PATZ1: variants seen among roughly 807,000 people sequenced by gnomAD.
PATZ1 encodes the protein POZ-, AT hook-, and zinc finger-containing protein 1.
In PATZ1, 9 loss-of-function variants were observed where a neutral mutation model predicts 46.2. That is an observed-to-expected ratio of 0.19 (90% CI 0.12 to 0.34). The LOEUF (loss-of-function observed/expected upper bound fraction) is 0.34, where lower values mean the gene tolerates loss of function less well. Among genes scored for constraint, PATZ1 ranks in the 10% least tolerant of loss-of-function variants. The probability of loss-of-function intolerance (pLI) is 1.00; values close to 1 mark genes in which losing one functional copy is unlikely to be tolerated. For missense variants in PATZ1, 632 were observed against 923.0 expected (o/e 0.68, Z 4.08); for synonymous variants, 426 against 378.6 (o/e 1.13, Z -1.45).
At chr22:31,330,486 G>A (rs781205279) in intron 3 of PATZ1, among the ~76,000 whole-genome samples, 2 of 151,504 alleles carry the variant, frequency 1.3e-5, no homozygotes, top group South Asian at 2.1e-4. Context: ...GCAACAGAGC[G>A]AGACTCCGTC....
chr22:31,341,691 A>G, intron 2 of PATZ1: 1 of 1,602,200 alleles, frequency 6.2e-7, no homozygotes, highest in Non-Finnish European at 8.5e-7. Flanking sequence ...CACCTGGAAA[A>G]AGGGCAGAGA....
rs1439947636 is a variant in PATZ1, at chr22:31,328,086, G to C, written c.1645+701C>G. ...TCCAGAGAGCCATGCCGGGAAGGGA[G>C]GTCTGTGATGGGAGCATGGAGCATG... On this transcript the variant is annotated intron_variant, in intron 4 of 4. Coordinates refer to ENST00000266269, the MANE Select transcript of PATZ1 (RefSeq NM_014323.3). The surrounding 1 kb of genome is among the most constrained non-coding windows in gnomAD (Gnocchi z 4.8). 6.6e-6 allele frequency among the ~76,000 whole-genome samples: 1 copy of C among 152,184 alleles called. No homozygotes were observed. The highest frequency in any genetic ancestry group is 1.5e-5 in the Non-Finnish European group (1 of 68,036).
At chr22:31,330,064 CTAAAGGG>C (rs1240104089) in intron 3 of PATZ1, among the ~76,000 whole-genome samples, 1 of 152,154 alleles carries the variant, frequency 6.6e-6, no homozygotes, top group African/African-American at 2.4e-5. Flanking sequence ...AGATCCACTG[CTAAAGGG>C]TAAAGGGTCA....
chr22:31,340,411 C>T (rs2049565853), intron 2 of PATZ1, among the ~76,000 whole-genome samples: 1 of 152,224 alleles, frequency 6.6e-6, no homozygotes, highest in Non-Finnish European at 1.5e-5. Flanking sequence ...CTTATGTTTT[C>T]AGCATCCCCA....
intron 3 of PATZ1, among the ~76,000 whole-genome samples, chr22:31,331,932 G>A (rs1042576855): frequency 2.0e-5 from 3 of 152,104 alleles, no homozygotes; most frequent in Non-Finnish European, 4.4e-5. Context: ...CCAACATGGA[G>A]AAACCCTGTC....
intron 3 of PATZ1, among the ~76,000 whole-genome samples, chr22:31,331,506 AT>A (rs1474424572): frequency 1.3e-5 from 2 of 151,484 alleles, no homozygotes. Context: ...TACCTGGCTA[AT>A]TTTTTTTGTA....
intron 3 of PATZ1, among the ~76,000 whole-genome samples, chr22:31,330,493 C>T (rs956962009): frequency 1.5e-4 from 23 of 150,656 alleles, no homozygotes; most frequent in Non-Finnish European, 3.0e-5. Flanking sequence ...AGCGAGACTC[C>T]GTCTCAAAAA....
At chr22:31,342,775 A>AG in intron 2 of PATZ1, 122 bp downstream of exon 2, 1 of 921,422 alleles carries the variant, frequency 1.1e-6, no homozygotes, top group Non-Finnish European at 1.7e-6. Context: ...AACAGAGGGG[A>AG]GGTGTGCAAA....
At chr22:31,336,046 T>C (rs2049504953) in intron 2 of PATZ1, among the ~76,000 whole-genome samples, 183 bp from the exon 3 acceptor site, 1 of 152,186 alleles carries the variant, frequency 6.6e-6, no homozygotes, top group Non-Finnish European at 1.5e-5. Context: ...TTATTTCCCA[T>C]GGTACCTCCT....
In PATZ1 at chr22:31,344,526, G is replaced by T. The variant is rs772555772; in HGVS notation, c.1077C>A (p.Ile359=). ...SRTRKQVACE[I]CGKIFRDVYH... ...ACACATCACGGAAGATCTTGCCGCA[G>T]ATCTCACAAGCCACCTGCTTCCTGG... The change falls in exon 1 of 5, where the codon ATC becomes ATA. Residue 359 remains isoleucine (I), a synonymous_variant. Transcript: ENST00000266269. 1.9e-6 allele frequency: 3 copies of T among 1,614,236 alleles called. No individual in the cohort carries two copies. Among genetic ancestry groups the T allele is most frequent in the South Asian group, 2.2e-5 (2 of 91,086 alleles).
Position 31,327,999 on chromosome 22 carries a change from G to A in PATZ1, c.1646-690C>T, listed in dbSNP as rs1028290696. Among the ~76,000 whole-genome samples, 1 of 152,312 alleles carries A rather than the reference G, an allele frequency of 6.6e-6. No homozygotes were observed. Among genetic ancestry groups the A allele is most frequent in the Non-Finnish European group, 1.5e-5 (1 of 68,026 alleles). On this transcript the variant is annotated intron_variant, in intron 4 of 4. Transcript: ENST00000266269. The surrounding 1 kb of genome is among the most constrained non-coding windows in gnomAD (Gnocchi z 4.2). Reference sequence around the variant, plus strand: ...CAAGCTGGGCCAAGAGACAACCCTGGCTGCTCTGCCTTGCCCGGCCCACAC... The same window carrying A: ...CAAGCTGGGCCAAGAGACAACCCTGACTGCTCTGCCTTGCCCGGCCCACAC...
rs1569023404 is a variant in PATZ1, at chr22:31,328,863, G to A, written c.1569C>T (p.Pro523=). The A allele has an allele frequency of 6.2e-7, 1 of 1,614,012 alleles. No homozygotes were observed. The highest frequency in any genetic ancestry group is 8.5e-7 in the Non-Finnish European group (1 of 1,179,876). The change falls in exon 4 of 5, where the codon CCC becomes CCT. Residue 523 remains proline, a synonymous_variant. Coordinates refer to ENST00000266269, the MANE Select transcript of PATZ1 (RefSeq NM_014323.3). The surrounding 1 kb of genome is among the most constrained non-coding windows in gnomAD (Gnocchi z 4.8). ...TGGGCTCCTGGTGCCTGGAGACCTG[G>A]GGAAGGGGAACACCGTGGTGGGTTT... is the stretch of plus-strand genomic sequence containing the variant. The part of the protein sequence containing the change: ...HVKTHHGVPL[P]QVSRHQEPIL...
intron 3 of PATZ1, among the ~76,000 whole-genome samples, chr22:31,330,621 A>T (rs1232584136): frequency 6.6e-6 from 1 of 152,232 alleles, no homozygotes; most frequent in Non-Finnish European, 1.5e-5. Flanking sequence ...GCTACTGGGC[A>T]GATGCTTTAA....
At chr22:31,342,187 A>G (rs2049591089) in intron 2 of PATZ1, among the ~76,000 whole-genome samples, 1 of 152,134 alleles carries the variant, frequency 6.6e-6, no homozygotes, top group Non-Finnish European at 1.5e-5. Flanking sequence ...AGGAAACTCA[A>G]TCTTTTGGGT....
Position 31,328,127 on chromosome 22 carries a change from C to A in PATZ1, c.1645+660G>T, listed in dbSNP as rs1409195501. On this transcript the variant is annotated intron_variant, in intron 4 of 4. Coordinates refer to ENST00000266269, the MANE Select transcript of PATZ1 (RefSeq NM_014323.3). The surrounding 1 kb of genome is among the most constrained non-coding windows in gnomAD (Gnocchi z 4.8). ...ATGGAGCATGCCATCTCTGCTGTTT[C>A]TACCATCTGCCAAGCCCCTGGCCTC... Among the ~76,000 whole-genome samples the A allele has an allele frequency of 6.6e-6, 1 of 152,200 alleles. No homozygotes were observed. The highest frequency in any genetic ancestry group is 2.4e-5 in the African/African-American group (1 of 41,438).
chr22:31,331,877 G>A lies in PATZ1; in HGVS notation c.1508-2953C>T, dbSNP rs577743223. Among the ~76,000 whole-genome samples the A allele has an allele frequency of 7.9e-5, 12 of 152,256 alleles. No individual in the cohort carries two copies. The East Asian group carries it at 1.7e-3, about 22-fold the overall frequency. ...AGTGGCTCATGCACTTTGGGAGGCC[G>A]AGGCAGGCAGATCACCTGAGGTTGG... On this transcript the variant is annotated intron_variant, in intron 3 of 4. Coordinates refer to ENST00000266269, the MANE Select transcript of PATZ1 (RefSeq NM_014323.3).
intron 2 of PATZ1, chr22:31,341,486 G>A: frequency 1.2e-6 from 2 of 1,613,498 alleles, no homozygotes; most frequent in Non-Finnish European, 1.7e-6. Context: ...GCGGGGCTGG[G>A]CAGAAGAGAG....
In PATZ1 at chr22:31,328,878, G is replaced by A. The variant is rs1438523763; in HGVS notation, c.1554C>T (p.His518=). 3 of 1,613,924 alleles carry A rather than the reference G, an allele frequency of 1.9e-6. No individual in the cohort carries two copies. The highest frequency in any genetic ancestry group is 2.2e-5 in the East Asian group (1 of 44,894). Residue 518 remains histidine (H), a synonymous_variant, in exon 4 of 5, where the codon CAC becomes CAT. Coordinates refer to ENST00000266269, the MANE Select transcript of PATZ1 (RefSeq NM_014323.3). The surrounding 1 kb of genome is among the most constrained non-coding windows in gnomAD (Gnocchi z 4.8). ...SYLKVHVKTH[H]GVPLPQVSRH... Reference sequence around the variant, plus strand: ...TGGAGACCTGGGGAAGGGGAACACCGTGGTGGGTTTTAACATGGACCTTTA... The same window carrying A: ...TGGAGACCTGGGGAAGGGGAACACCATGGTGGGTTTTAACATGGACCTTTA...
intron 2 of PATZ1, chr22:31,341,172 G>T (rs1159620464): frequency 2.4e-6 from 3 of 1,228,394 alleles, no homozygotes; most frequent in Non-Finnish European, 3.0e-6. Flanking sequence ...TGAAAGGGGG[G>T]AAAAGGCAAG....
Sources: gnomAD v4.1 joint callset for allele counts (sites outside exome capture counted in the v4.1 genomes callset) on GRCh38, gnomAD v4.1.1 for gene constraint, Gnocchi (gnomAD v3.1) non-coding constraint, MANE v1.5 for transcripts, NCBI Gene and HGNC (gene_info 2026-07-23, HGNC 2026-07-21) for gene names.